Variants in DMBX1 observed in about 807,000 individuals in gnomAD.
DMBX1 encodes the protein diencephalon/mesencephalon homeobox 1.
Under a neutral mutation model 30.4 loss-of-function variants are expected in DMBX1, and 7 were observed. The observed-to-expected ratio is 0.23, with a 90% CI of 0.13 to 0.43. The LOEUF is 0.43. DMBX1 is among the 20% of genes least tolerant of loss of function. DMBX1 has a pLI of 1.00. For synonymous variants in DMBX1, 222 were observed against 214.2 expected, an observed-to-expected ratio of 1.04 and a Z score of -0.32; for missense variants, 460 against 508.5, an observed-to-expected ratio of 0.90 and a Z score of 0.92.
intron 2 of DMBX1, among the ~76,000 whole-genome samples, chr1:46,497,586 G>T (rs1455640761): frequency 6.6e-6 from 1 of 152,232 alleles, no homozygotes; most frequent in Non-Finnish European, 1.5e-5. Flanking sequence ...TGAGCAGGGT[G>T]TGACCCAAGG....
At chr1:46,509,154 C>T (rs1424836160) in intron 3 of DMBX1, among the ~76,000 whole-genome samples, 1 of 151,904 alleles carries the variant, frequency 6.6e-6, no homozygotes. Context: ...CTCACTGCAA[C>T]CTCCGCCTCC....
chr1:46,501,351 G>A (rs1666134942), intron 2 of DMBX1, among the ~76,000 whole-genome samples: 1 of 150,392 alleles, frequency 6.6e-6, no homozygotes, highest in South Asian at 2.1e-4. Flanking sequence ...CATGATCTCA[G>A]GTCACTGCAA....
In DMBX1 at chr1:46,511,038, G is replaced by T; in HGVS notation, c.437G>T (p.Gly146Val). Residue 146 changes from glycine (G) to valine (V), a missense_variant, in exon 5 of 6, where the codon GGC becomes GTC. Physicochemically the swap from Gly to Val is moderately radical, Grantham distance 109 (BLOSUM62 -3). This residue lies in a region of DMBX1 where 334 missense variants were observed against 345.1 expected (regional missense o/e 0.97). Transcript: ENST00000360032. The stretch of plus-strand genomic sequence containing the variant: ...GAGGCTGAGGGCTCCCATGGGGAAG[G>T]CAAGGCCGAGGCCCCCACTCCAGAT... ...QKEAEGSHGE[G>V]KAEAPTPDTQ... is the part of the protein sequence containing the mutation. The T allele has an allele frequency of 6.2e-7, 1 of 1,614,112 alleles. No homozygotes were observed. The highest frequency in any genetic ancestry group is 8.5e-7 in the Non-Finnish European group (1 of 1,179,998).
chr1:46,501,554 C>G (rs1330052518), intron 2 of DMBX1, among the ~76,000 whole-genome samples: 7 of 152,112 alleles, frequency 4.6e-5, no homozygotes, highest in Admixed American at 2.0e-4. Flanking sequence ...GCGTGAGCCA[C>G]CCACGCCTAG....
chr1:46,494,067 G>A (rs1053644437), intron 2 of DMBX1, among the ~76,000 whole-genome samples: 4 of 152,190 alleles, frequency 2.6e-5, no homozygotes, highest in African/African-American at 9.7e-5. Flanking sequence ...GCTCCATCTC[G>A]GCTCCGCCCA....
chr1:46,507,146 T>C lies in DMBX1; in HGVS notation c.136T>C (p.Leu46=). The C allele has an allele frequency of 3.7e-6, 6 of 1,614,178 alleles. No individual in the cohort carries two copies. The highest frequency in any genetic ancestry group is 4.2e-6 in the Non-Finnish European group (5 of 1,180,040). The part of the protein sequence containing the change: ...DYRPSVHALT[L]AERLADIILE... The stretch of plus-strand genomic sequence containing the variant: ...CCGGCCTTCAGTGCATGCGCTTACA[T>C]TGGCTGAGCGCCTGGCTGGTAAGGG... Residue 46 remains leucine (L), a synonymous_variant, in exon 3 of 6, where the codon TTG becomes CTG. Transcript: ENST00000360032.
intron 2 of DMBX1, among the ~76,000 whole-genome samples, chr1:46,492,914 C>A (rs1665956903): frequency 6.6e-6 from 1 of 152,160 alleles, no homozygotes; most frequent in Non-Finnish European, 1.5e-5. Context: ...AGTGTCACAG[C>A]CCCACCTTGC....
Position 46,510,883 on chromosome 1 carries a change from C to T in DMBX1, c.334-52C>T. On this transcript the variant is annotated intron_variant, in intron 4 of 5. Transcript: ENST00000360032. The surrounding 1 kb of genome is among the most constrained non-coding windows in gnomAD (Gnocchi z 4.1). ...CTCTCCCAGAGCACCCTGCTCCACA[C>T]CAACCCCACTTCTTTCTTGCCCACC... 1 of 1,514,392 alleles carries T rather than the reference C, an allele frequency of 6.6e-7. No homozygotes were observed. Among genetic ancestry groups the T allele is most frequent in the Non-Finnish European group, 8.9e-7 (1 of 1,127,666 alleles). The allele number at this position is 1,514,392 out of a possible 1,614,324, so 93.8% of individuals were successfully genotyped here.
rs1666419758 is a variant in DMBX1, at chr1:46,513,171, TTTTG to T, written c.*682_*685del. On this transcript the variant is annotated 3_prime_UTR_variant, in exon 6 of 6. Transcript: ENST00000360032. Reference sequence around the variant, plus strand: ...TGGTATCATCAGTTCTTGAGCTATATTTTGTTTGGGGTTGTGGCTGGTTTTGGTT... The same window carrying T: ...TGGTATCATCAGTTCTTGAGCTATATTTTGGGGTTGTGGCTGGTTTTGGTT... 1 of 152,552 alleles carries T rather than the reference TTTTG, an allele frequency of 6.6e-6. No homozygotes were observed. The highest frequency in any genetic ancestry group is 1.5e-5 in the Non-Finnish European group (1 of 68,290). 9.4% of individuals were successfully genotyped at this position (152,552 alleles called of 1,614,324 possible).
chr1:46,507,689 G>A (rs1490457729), intron 3 of DMBX1, among the ~76,000 whole-genome samples: 2 of 152,126 alleles, frequency 1.3e-5, no homozygotes, highest in Non-Finnish European at 2.9e-5. Context: ...ACAAGGAAAC[G>A]GAGGCTCAGA....
Position 46,510,905 on chromosome 1 carries a change from C to T in DMBX1, c.334-30C>T. On this transcript the variant is annotated intron_variant, in intron 4 of 5. Transcript: ENST00000360032. The surrounding 1 kb of genome is among the most constrained non-coding windows in gnomAD (Gnocchi z 4.1). ...ACACCAACCCCACTTCTTTCTTGCC[C>T]ACCTCGGACTGCTCCTTTCCCGTCC... is the stretch of plus-strand genomic sequence containing the variant. 3 of 1,548,294 alleles carry T rather than the reference C, an allele frequency of 1.9e-6. No individual in the cohort carries two copies. Among genetic ancestry groups the T allele is most frequent in the South Asian group, 2.5e-5 (2 of 79,818 alleles).
chr1:46,507,315 A>T (rs928734313), intron 3 of DMBX1, 151 bp downstream of exon 3: 1 of 1,051,358 alleles, frequency 9.5e-7, no homozygotes, highest in African/African-American at 1.6e-5. Context: ...AGAGATGTCA[A>T]TTCAAAACTA....
chr1:46,509,106 C>G (rs1396477221), intron 3 of DMBX1, among the ~76,000 whole-genome samples: 1 of 151,530 alleles, frequency 6.6e-6, no homozygotes, highest in Admixed American at 6.6e-5. Flanking sequence ...GAGTTTTGCT[C>G]TTGTTGCCCA....
rs1665914069 is a variant in DMBX1, at chr1:46,490,722, G to GTGGT, written c.-72_-69dup. Among the ~76,000 whole-genome samples the GTGGT allele has an allele frequency of 6.6e-6, 1 of 152,268 alleles. No homozygotes were observed. Among genetic ancestry groups the GTGGT allele is most frequent in the Admixed American group, 6.5e-5 (1 of 15,288 alleles). ...TTCTGCACGAATTTTCCAGTTGAGGGTGGTTCGGCGCTCAGCCAGCCTCTG... is the reference window on the plus strand; with the variant it reads ...TTCTGCACGAATTTTCCAGTTGAGGGTGGTTGGTTCGGCGCTCAGCCAGCCTCTG... On this transcript the variant is annotated 5_prime_UTR_variant, in exon 2 of 6. Coordinates refer to ENST00000360032, the MANE Select transcript of DMBX1 (RefSeq NM_172225.2).
rs1381645235 is a variant in DMBX1, at chr1:46,511,082, C to A, written c.481C>A (p.Gln161Lys). ...TCCAGATACCCAGCTGGACACTGAG[C>A]AGCCCCCACGTCTGCCTGGCAGCGA... ...PTPDTQLDTE[Q>K]PPRLPGSDPP... Residue 161 changes from glutamine to lysine, a missense_variant, in exon 5 of 6, where the codon CAG (glutamine) becomes AAG (lysine). Physicochemically the swap from Gln to Lys is moderately conservative, Grantham distance 53. Transcript: ENST00000360032. 3 of 1,614,130 alleles carry A rather than the reference C, an allele frequency of 1.9e-6. No individual in the cohort carries two copies. Among genetic ancestry groups the A allele is most frequent in the African/African-American group, 1.3e-5 (1 of 75,064 alleles).
In DMBX1 at chr1:46,512,119, G is replaced by A. The variant is rs114951731; in HGVS notation, c.759G>A (p.Ser253=). The A allele has an allele frequency of 3.0e-4, 483 of 1,613,772 alleles. 2 individuals carry two copies. The African/African-American group carries it at 5.6e-3, about 19-fold the overall frequency. ...TGGGCCCCTCCCACTCCTATTCCTC[G>A]TCCCCGCTGAGCCTCTTCCGTCTGC... The part of the protein sequence containing the change: ...GLLGPSHSYS[S]SPLSLFRLQE... The change falls in exon 6 of 6, where the codon TCG becomes TCA. Residue 253 remains serine, a synonymous_variant. Transcript: ENST00000360032. The surrounding 1 kb of genome is among the most constrained non-coding windows in gnomAD (Gnocchi z 4.8).
rs12405092 is a variant in DMBX1 at position 46,499,618 on chromosome 1, G to A, written c.-12-7381G>A. Among the ~76,000 whole-genome samples, 1,334 of 152,294 alleles carry A rather than the reference G, an allele frequency of 8.8e-3. 17 individuals carry two copies. The highest frequency in any genetic ancestry group is 0.065 in the East Asian group (338 of 5,182). On this transcript the variant is annotated intron_variant, in intron 2 of 5. Coordinates refer to ENST00000360032, the MANE Select transcript of DMBX1 (RefSeq NM_172225.2). ...GGGAGAATTGATGGAGATGTCTGAT[G>A]TATCAGAGGCATTTAATAAATAGTT...
chr1:46,506,971 A>G (rs1183329952), intron 2 of DMBX1, 28 bp from the exon 3 acceptor site: 2 of 1,610,216 alleles, frequency 1.2e-6, no homozygotes, highest in Non-Finnish European at 1.7e-6. Context: ...GGCCTGCCTC[A>G]TGGCCCCTCT....
At chr1:46,507,243 G>T in intron 3 of DMBX1, 79 bp downstream of exon 3, 1 of 1,553,872 alleles carries the variant, frequency 6.4e-7, no homozygotes. Context: ...AAAGAGGAGA[G>T]GGAGCACTGG....
Sources: allele counts gnomAD v4.1 joint callset (sites outside exome capture counted in the v4.1 genomes callset), GRCh38; gene constraint gnomAD v4.1.1; regional missense constraint gnomAD v4.1.1; non-coding constraint Gnocchi (gnomAD v3.1); transcripts MANE v1.5; gene names NCBI Gene and HGNC (gene_info 2026-07-23, HGNC 2026-07-21).